The following KCNU1 variants were observed in gnomAD, a reference collection of about 807,000 sequenced individuals.
KCNU1 encodes potassium channel subfamily U member 1.
A neutral mutation model predicts 126.8 loss-of-function variants in KCNU1; 93 were observed. That is an observed-to-expected ratio of 0.73 (90% CI 0.62 to 0.87). The LOEUF (loss-of-function observed/expected upper bound fraction) is 0.87. Among genes scored for constraint, KCNU1 ranks in the 40% least tolerant of loss-of-function variants. The probability of loss-of-function intolerance (pLI) is 0.00; values close to 1 mark genes in which losing one functional copy is unlikely to be tolerated. For missense variants in KCNU1, 1,330 were observed against 1,367.1 expected, an observed-to-expected ratio of 0.97 and a Z score of 0.43; for synonymous variants, 523 against 494.2, an observed-to-expected ratio of 1.06 and a Z score of -0.77.
At chr8:36,787,952 A>G (rs1802773371) in intron 2 of KCNU1, among the ~76,000 whole-genome samples, 1 of 151,152 alleles carries the variant, frequency 6.6e-6, no homozygotes, top group African/African-American at 2.4e-5. Context: ...AAGCTTTGTT[A>G]GGGCAATATT....
At chr8:36,855,655 GGTTA>G (rs1278044127) in intron 18 of KCNU1, among the ~76,000 whole-genome samples, 1 of 151,782 alleles carries the variant, frequency 6.6e-6, no homozygotes, top group Non-Finnish European at 1.5e-5. Context: ...GGCTCCTGTT[GGTTA>G]GTTTCCAGAG....
intron 10 of KCNU1, among the ~76,000 whole-genome samples, chr8:36,833,131 T>G (rs148361162): frequency 0.015 from 2,242 of 152,290 alleles, 55 homozygotes; most frequent in African/African-American, 0.05. Flanking sequence ...TTCCTCTAAA[T>G]GTTCTTTTCA....
intron 19 of KCNU1, among the ~76,000 whole-genome samples, chr8:36,865,827 A>G (rs1393583950): frequency 1.3e-5 from 2 of 151,674 alleles, no homozygotes; most frequent in East Asian, 3.9e-4. Flanking sequence ...TCATACACAC[A>G]CACAGAATAT....
rs759127849 is a variant in KCNU1, at chr8:36,836,955, TA to T, written c.1518+13del. 13 of 1,613,268 alleles carry T rather than the reference TA, an allele frequency of 8.1e-6. No homozygotes were observed. The highest frequency in any genetic ancestry group is 1.0e-5 in the Non-Finnish European group (12 of 1,179,318). ...GGAGCAAAACAAAAAGGTAACCTTGTAAATTACTGTTGATTCTTGGCTCTGT... is the reference window on the plus strand; with the variant it reads ...GGAGCAAAACAAAAAGGTAACCTTGTAATTACTGTTGATTCTTGGCTCTGT... On this transcript the variant is annotated intron_variant, in intron 14 of 26. Transcript: ENST00000399881.
chr8:36,859,962 C>T (rs902062661), intron 18 of KCNU1, among the ~76,000 whole-genome samples: 2 of 152,032 alleles, frequency 1.3e-5, no homozygotes, highest in Non-Finnish European at 1.5e-5. Flanking sequence ...TATTATGCCA[C>T]CCATGGGAGC....
chr8:36,918,598 C>CCA (rs895166672), intron 22 of KCNU1, among the ~76,000 whole-genome samples: 10 of 150,060 alleles, frequency 6.7e-5, no homozygotes, highest in East Asian at 3.9e-4. Flanking sequence ...GACCCCCCCA[C>CCA]CACACACACA....
chr8:36,830,936 G>T (rs1804521887), intron 10 of KCNU1, among the ~76,000 whole-genome samples: 1 of 124,006 alleles, frequency 8.1e-6, no homozygotes, highest in African/African-American at 3.2e-5. Flanking sequence ...AGTCCCCAGA[G>T]TGTGATGTTC....
chr8:36,823,823 T>C (rs1418476054), intron 10 of KCNU1, among the ~76,000 whole-genome samples: 2 of 149,610 alleles, frequency 1.3e-5, no homozygotes, highest in African/African-American at 2.5e-5. Context: ...ATAATTAATC[T>C]CCTTGTTCAA....
At chr8:36,879,237 A>C (rs1040678772) in intron 19 of KCNU1, among the ~76,000 whole-genome samples, 3 of 144,034 alleles carry the variant, frequency 2.1e-5, no homozygotes, top group Admixed American at 7.1e-5. Flanking sequence ...ATATATATAT[A>C]TACACACACA....
intron 12 of KCNU1, 87 bp from the exon 13 acceptor site, chr8:36,836,209 C>A: frequency 1.2e-6 from 1 of 819,722 alleles, no homozygotes; most frequent in Non-Finnish European, 2.0e-6. Flanking sequence ...CACTTACCTA[C>A]ATATCAATTT....
intron 2 of KCNU1, among the ~76,000 whole-genome samples, chr8:36,800,817 T>C (rs1460572912): frequency 6.6e-6 from 1 of 152,188 alleles, no homozygotes; most frequent in African/African-American, 2.4e-5. Context: ...CAGTATAGGT[T>C]TGAAAAAGGA....
chr8:36,871,813 A>G (rs1196487849), intron 19 of KCNU1, among the ~76,000 whole-genome samples: 2 of 152,174 alleles, frequency 1.3e-5, no homozygotes, highest in African/African-American at 4.8e-5. Flanking sequence ...TACTGAGTGC[A>G]TATATTTATT....
intron 24 of KCNU1, 33 bp downstream of exon 24, chr8:36,922,662 C>T (rs779395243): frequency 4.4e-6 from 7 of 1,604,060 alleles, no homozygotes; most frequent in Non-Finnish European, 6.0e-6. Context: ...GCCCCCAAAA[C>T]CAAGCCCTCT....
At chr8:36,796,886 T>A (rs1803119781) in intron 2 of KCNU1, among the ~76,000 whole-genome samples, 1 of 152,196 alleles carries the variant, frequency 6.6e-6, no homozygotes, top group African/African-American at 2.4e-5. Context: ...TGGTGATCTA[T>A]TTTATTGGTA....
chr8:36,868,651 C>A (rs1314710038), intron 19 of KCNU1, among the ~76,000 whole-genome samples: 1 of 152,094 alleles, frequency 6.6e-6, no homozygotes, highest in African/African-American at 2.4e-5. Flanking sequence ...TCCCTGATGT[C>A]TTTCTCTTCC....
intron 7 of KCNU1, among the ~76,000 whole-genome samples, chr8:36,811,415 G>C (rs1415515693): frequency 3.9e-5 from 6 of 152,240 alleles, no homozygotes; most frequent in Admixed American, 1.3e-4. Flanking sequence ...AATGAGACTA[G>C]CTTCAAGTTT....
chr8:36,851,134 T>C lies in KCNU1; in HGVS notation c.1891+5235T>C, dbSNP rs551070658. On this transcript the variant is annotated intron_variant, in intron 18 of 26. Coordinates refer to ENST00000399881, the MANE Select transcript of KCNU1 (RefSeq NM_001031836.3). ...CAAGGAAACTAGCTGGGATTTTAACTGTGAGCCTTTTGAATCTATAGATAA... is the reference window on the plus strand; with the variant it reads ...CAAGGAAACTAGCTGGGATTTTAACCGTGAGCCTTTTGAATCTATAGATAA... Among the ~76,000 whole-genome samples, 4 of 152,214 alleles carry C rather than the reference T, an allele frequency of 2.6e-5. No individual in the cohort carries two copies. The South Asian group carries it at 8.3e-4, about 32-fold the overall frequency.
chr8:36,850,803 A>G (rs1365731969), intron 18 of KCNU1, among the ~76,000 whole-genome samples: 1 of 152,162 alleles, frequency 6.6e-6, no homozygotes, highest in Non-Finnish European at 1.5e-5. Flanking sequence ...GAAGAAGAGG[A>G]TCCAACTTTA....
chr8:36,919,059 A>T (rs190792344), intron 23 of KCNU1, among the ~76,000 whole-genome samples, 162 bp downstream of exon 23: 5 of 152,310 alleles, frequency 3.3e-5, no homozygotes, highest in South Asian at 4.1e-4. Flanking sequence ...CTTTGATCCA[A>T]CTGGGGACAT....
Sources: allele counts gnomAD v4.1 joint callset (sites outside exome capture counted in the v4.1 genomes callset), GRCh38; gene constraint gnomAD v4.1.1; transcripts MANE v1.5; gene names NCBI Gene and HGNC (gene_info 2026-07-23, HGNC 2026-07-21).